XRCC4: variants seen among roughly 807,000 people sequenced by gnomAD.
XRCC4 encodes X-ray repair cross complementing 4, also known as DNA repair protein XRCC4.
A neutral mutation model predicts 39.1 loss-of-function variants in XRCC4; 28 were observed. The ratio of observed to expected loss-of-function variants is 0.72; its 90% CI spans 0.53 to 0.98. The LOEUF (loss-of-function observed/expected upper bound fraction) is 0.98, where lower values mean the gene tolerates loss of function less well. Among genes scored for constraint, XRCC4 ranks in the 50% least tolerant of loss-of-function variants. XRCC4 has a pLI of 0.00. For missense variants in XRCC4, 350 were observed against 376.4 expected (o/e 0.93, Z 0.58); for synonymous variants, 123 against 126.4 (o/e 0.97, Z 0.18).
intron 3 of XRCC4, among the ~76,000 whole-genome samples, chr5:83,117,223 G>A (rs1746767149): frequency 6.6e-6 from 1 of 152,098 alleles, no homozygotes; most frequent in Non-Finnish European, 1.5e-5. Flanking sequence ...TTTAACAGTA[G>A]ATTGTTCTGG....
chr5:83,364,244 G>A, the XRCC4 span, among the ~76,000 whole-genome samples: 2 of 152,136 alleles, frequency 1.3e-5, no homozygotes, highest in African/African-American at 4.8e-5. Flanking sequence ...ATTATATTTT[G>A]TTTTCAAGTT....
At chr5:83,300,332 C>A (rs1278204132) in intron 7 of XRCC4, among the ~76,000 whole-genome samples, 2 of 152,024 alleles carry the variant, frequency 1.3e-5, no homozygotes, top group African/African-American at 4.8e-5. Context: ...TATGTATGTT[C>A]TCTTTCTCTC....
the XRCC4 span, among the ~76,000 whole-genome samples, chr5:83,373,616 T>A: frequency 6.6e-6 from 1 of 152,246 alleles, no homozygotes; most frequent in Non-Finnish European, 1.5e-5. Flanking sequence ...GACTTCTTTA[T>A]GAATTGTCTT....
intron 3 of XRCC4, among the ~76,000 whole-genome samples, chr5:83,163,092 A>T (rs918963991): frequency 1.3e-5 from 2 of 151,546 alleles, no homozygotes; most frequent in Admixed American, 1.3e-4. Context: ...GATTTCAAGC[A>T]TGTGCCACCA....
At chr5:83,146,261 T>G (rs1043097827) in intron 3 of XRCC4, among the ~76,000 whole-genome samples, 2 of 152,200 alleles carry the variant, frequency 1.3e-5, no homozygotes, top group Non-Finnish European at 2.9e-5. Flanking sequence ...AAAAAGTATC[T>G]AATGGTGAGA....
intron 7 of XRCC4, among the ~76,000 whole-genome samples, chr5:83,306,715 C>G (rs922213553): frequency 6.6e-6 from 1 of 152,084 alleles, no homozygotes; most frequent in African/African-American, 2.4e-5. Flanking sequence ...AAGCACTGTC[C>G]CTCCCTGACT....
chr5:83,216,552 G>T (rs1304845527), intron 6 of XRCC4, among the ~76,000 whole-genome samples: 1 of 152,112 alleles, frequency 6.6e-6, no homozygotes, highest in Non-Finnish European at 1.5e-5. Flanking sequence ...ACTCCAAACT[G>T]GAAAATTCTG....
chr5:83,101,571 G>T (rs1334333343), intron 1 of XRCC4, among the ~76,000 whole-genome samples: 1 of 152,052 alleles, frequency 6.6e-6, no homozygotes, highest in African/African-American at 2.4e-5. Context: ...TGGTAGAGTG[G>T]ATAGATTTTG....
intron 7 of XRCC4, among the ~76,000 whole-genome samples, chr5:83,347,288 G>A (rs1756945076): frequency 6.6e-6 from 1 of 152,152 alleles, no homozygotes. Context: ...GTAGACATTT[G>A]TATTCGTCTT....
intron 7 of XRCC4, among the ~76,000 whole-genome samples, chr5:83,297,562 TAAC>T (rs951446350): frequency 8.6e-5 from 13 of 151,960 alleles, no homozygotes; most frequent in African/African-American, 2.9e-4. Context: ...TTAACAGAAA[TAAC>T]AAGTATTTTT....
intron 3 of XRCC4, among the ~76,000 whole-genome samples, chr5:83,189,526 A>C (rs1413333814): frequency 1.3e-5 from 2 of 152,352 alleles, no homozygotes; most frequent in East Asian, 3.9e-4. Context: ...TTATATGATC[A>C]GCTTGAGATA....
chr5:83,276,281 T>A (rs537631234), intron 7 of XRCC4, among the ~76,000 whole-genome samples: 2 of 152,310 alleles, frequency 1.3e-5, no homozygotes, highest in East Asian at 3.9e-4. Context: ...TAAGATAGGT[T>A]AGGCTAAGCT....
intron 7 of XRCC4, among the ~76,000 whole-genome samples, chr5:83,276,167 G>A (rs1049395350): frequency 3.9e-5 from 6 of 152,152 alleles, no homozygotes; most frequent in African/African-American, 9.7e-5. Flanking sequence ...TACTTCTCAA[G>A]ATGCTGAGCC....
intron 7 of XRCC4, among the ~76,000 whole-genome samples, chr5:83,352,598 A>G (rs528293823): frequency 6.6e-6 from 1 of 152,378 alleles, no homozygotes; most frequent in East Asian, 1.9e-4. Context: ...TGCAGATTCA[A>G]TAAATGATTA....
At chr5:83,374,417 G>A in the XRCC4 span, among the ~76,000 whole-genome samples, 1 of 152,122 alleles carries the variant, frequency 6.6e-6, no homozygotes. Context: ...TGATTGTGAG[G>A]CCTCCTCGGC....
intron 6 of XRCC4, among the ~76,000 whole-genome samples, chr5:83,218,219 T>TC (rs1267518621): frequency 1.2e-5 from 1 of 83,868 alleles, no homozygotes; most frequent in Non-Finnish European, 2.1e-5. Flanking sequence ...CCCTCCCCCC[T>TC]CCCCCCACCC....
intron 6 of XRCC4, among the ~76,000 whole-genome samples, chr5:83,247,913 A>T (rs1474639959): frequency 6.6e-6 from 1 of 152,158 alleles, no homozygotes; most frequent in Non-Finnish European, 1.5e-5. Flanking sequence ...ATTTTTCTTG[A>T]TTAATTATTC....
chr5:83,339,629 A>T (rs375910873), intron 7 of XRCC4, among the ~76,000 whole-genome samples: 16 of 152,076 alleles, frequency 1.1e-4, no homozygotes, highest in East Asian at 5.8e-4. Context: ...AGTATAATAA[A>T]AAAAAAAAAT....
intron 3 of XRCC4, among the ~76,000 whole-genome samples, chr5:83,115,198 T>A (rs1746651425): frequency 6.6e-6 from 1 of 152,052 alleles, no homozygotes; most frequent in Admixed American, 6.5e-5. Flanking sequence ...GAGGCTGAGA[T>A]GGGCGGATCA....
Sources: gnomAD v4.1 joint callset for allele counts (sites outside exome capture counted in the v4.1 genomes callset) on GRCh38, gnomAD v4.1.1 for gene constraint, MANE v1.5 for transcripts, NCBI Gene and HGNC (gene_info 2026-07-23, HGNC 2026-07-21) for gene names.